WDR25: variants seen among roughly 807,000 people sequenced by gnomAD.
WDR25 encodes the protein WD repeat domain 25.
WDR25 carries 35 observed loss-of-function variants against 47.7 expected under a neutral mutation model. The ratio of observed to expected loss-of-function variants is 0.73; its 90% CI spans 0.56 to 0.97. The LOEUF is 0.97. WDR25 is among the 50% of genes least tolerant of loss of function. The pLI, the probability that WDR25 is intolerant of heterozygous loss-of-function variation, is 0.00. For synonymous variants in WDR25, 248 were observed against 278.9 expected (o/e 0.89, Z 1.10); for missense variants, 634 against 704.7 (o/e 0.90, Z 1.14).
chr14:100,402,245 G>A (rs75782856), intron 2 of WDR25, among the ~76,000 whole-genome samples: 208 of 152,066 alleles, frequency 1.4e-3, no homozygotes, highest in African/African-American at 4.8e-3. Flanking sequence ...GATATGTGAC[G>A]TCCATTATTA....
intron 2 of WDR25, among the ~76,000 whole-genome samples, chr14:100,399,845 A>G (rs1480951445): frequency 6.6e-6 from 1 of 152,242 alleles, no homozygotes; most frequent in East Asian, 1.9e-4. Context: ...CTGTGGCTCC[A>G]GAAGACTGGG....
At chr14:100,492,398 G>A (rs900236231) in intron 4 of WDR25, among the ~76,000 whole-genome samples, 3 of 152,208 alleles carry the variant, frequency 2.0e-5, no homozygotes, top group Non-Finnish European at 4.4e-5. Flanking sequence ...TAAAACCCAT[G>A]AGCTGCCAAC....
Position 100,529,895 on chromosome 14 carries a change from G to C in WDR25, c.1489G>C (p.Val497Leu). 6.2e-7 allele frequency: 1 copy of C among 1,613,364 alleles called. No individual in the cohort carries two copies. The highest frequency in any genetic ancestry group is 8.5e-7 in the Non-Finnish European group (1 of 1,180,018). ...LLVTGSADGR[V>L]LMYSFRTASR... The stretch of plus-strand genomic sequence containing the variant: ...GGTGACGGGCAGCGCCGATGGCCGG[G>C]TCCTGATGTACAGCTTCCGCACAGC... Residue 497 changes from valine (V) to leucine (L), a missense_variant, in exon 7 of 7, where the codon GTC becomes CTC. Coordinates refer to ENST00000402312, the MANE Select transcript of WDR25 (RefSeq NM_001161476.3). The surrounding 1 kb of genome is among the most constrained non-coding windows in gnomAD (Gnocchi z 5.1).
At chr14:100,376,796 G>T in intron 1 of WDR25, 1 of 1,189,138 alleles carries the variant, frequency 8.4e-7, no homozygotes, top group Non-Finnish European at 1.1e-6. Context: ...ACCCAGCATA[G>T]GGCTTGACAA....
chr14:100,422,635 C>T (rs569609710), intron 2 of WDR25, among the ~76,000 whole-genome samples: 1 of 152,344 alleles, frequency 6.6e-6, no homozygotes, highest in South Asian at 2.1e-4. Context: ...GACGCGACCA[C>T]ATGTTGCCAG....
intron 2 of WDR25, among the ~76,000 whole-genome samples, chr14:100,414,918 G>A (rs976737395): frequency 8.9e-4 from 131 of 147,600 alleles, no homozygotes; most frequent in African/African-American, 3.2e-3. Context: ...AAAAAAAAAA[G>A]AAGAAAAAAA....
intron 1 of WDR25, among the ~76,000 whole-genome samples, chr14:100,379,693 C>T (rs138034546): frequency 8.1e-4 from 121 of 149,942 alleles, no homozygotes; most frequent in African/African-American, 2.8e-3. Context: ...CAGCCTAGGT[C>T]TTCTTTTATG....
At chr14:100,401,067 A>G (rs1041396750) in intron 2 of WDR25, among the ~76,000 whole-genome samples, 1 of 152,250 alleles carries the variant, frequency 6.6e-6, no homozygotes, top group Non-Finnish European at 1.5e-5. Context: ...AGCGTGTTTA[A>G]TTATTCAAGT....
chr14:100,467,406 A>C (rs1899670102), intron 2 of WDR25, among the ~76,000 whole-genome samples: 1 of 152,292 alleles, frequency 6.6e-6, no homozygotes, highest in Non-Finnish European at 1.5e-5. Flanking sequence ...AGGGTTGTGA[A>C]TGCTGAGGGT....
chr14:100,517,323 C>T (rs796476781), intron 4 of WDR25, among the ~76,000 whole-genome samples: 22 of 151,816 alleles, frequency 1.4e-4, no homozygotes, highest in African/African-American at 4.1e-4. Flanking sequence ...ATGATCCACC[C>T]GCCTCGGCCT....
At chr14:100,395,336 A>G (rs1897233953) in intron 2 of WDR25, among the ~76,000 whole-genome samples, 1 of 152,110 alleles carries the variant, frequency 6.6e-6, no homozygotes, top group Non-Finnish European at 1.5e-5. Flanking sequence ...AACAGCATCC[A>G]CCTCAGTCTT....
intron 2 of WDR25, 188 bp downstream of exon 2, chr14:100,381,934 C>G (rs1896912521): frequency 3.1e-6 from 2 of 636,820 alleles, no homozygotes; most frequent in Admixed American, 5.3e-5. Flanking sequence ...CTGCCCCAAC[C>G]CTTCCCTGAT....
intron 2 of WDR25, 42 bp from the exon 3 acceptor site, chr14:100,467,979 G>T (rs770476522): frequency 5.6e-6 from 9 of 1,610,040 alleles, no homozygotes. Context: ...TGGAGATCAG[G>T]CCCTTGTTGT....
intron 5 of WDR25, among the ~76,000 whole-genome samples, 198 bp downstream of exon 5, chr14:100,526,238 G>GCT (rs2030126355): frequency 6.6e-6 from 1 of 152,172 alleles, no homozygotes; most frequent in Non-Finnish European, 1.5e-5. Context: ...ACCTCCTTCT[G>GCT]CTCTTCTTGT....
chr14:100,501,315 C>T (rs1900916107), intron 4 of WDR25, among the ~76,000 whole-genome samples: 1 of 152,130 alleles, frequency 6.6e-6, no homozygotes, highest in Non-Finnish European at 1.5e-5. Context: ...TGCTCCTGGC[C>T]ATCTTGATGT....
chr14:100,390,931 G>T (rs1359768631), intron 2 of WDR25, among the ~76,000 whole-genome samples: 1 of 152,146 alleles, frequency 6.6e-6, no homozygotes, highest in Non-Finnish European at 1.5e-5. Flanking sequence ...CTTTTAGAAC[G>T]GGCCGGCACT....
At chr14:100,477,612 C>T (rs1033136095) in intron 3 of WDR25, among the ~76,000 whole-genome samples, 1 of 152,138 alleles carries the variant, frequency 6.6e-6, no homozygotes, top group Non-Finnish European at 1.5e-5. Context: ...GCCCGTCTGA[C>T]AAGTTAAGAC....
At chr14:100,461,990 C>G (rs557784800) in intron 2 of WDR25, among the ~76,000 whole-genome samples, 29 of 151,898 alleles carry the variant, frequency 1.9e-4, no homozygotes, top group African/African-American at 6.8e-4. Context: ...AATCCTATAG[C>G]TGTTTCCTTT....
chr14:100,484,889 T>A (rs1316614692), intron 4 of WDR25, among the ~76,000 whole-genome samples: 1 of 152,232 alleles, frequency 6.6e-6, no homozygotes, highest in East Asian at 1.9e-4. Context: ...TTGGAGGCTG[T>A]TCTCAACACA....
Sources: allele counts gnomAD v4.1 joint callset (sites outside exome capture counted in the v4.1 genomes callset), GRCh38; gene constraint gnomAD v4.1.1; non-coding constraint Gnocchi (gnomAD v3.1); transcripts MANE v1.5; gene names NCBI Gene and HGNC (gene_info 2026-07-23, HGNC 2026-07-21).